The following PMS1 variants were observed in gnomAD, a reference collection of about 807,000 sequenced individuals.
The protein encoded by PMS1 is PMS1 protein homolog 1.
PMS1 carries 79 observed loss-of-function variants against 93.1 expected under a neutral mutation model. The observed-to-expected ratio is 0.85, with a 90% CI of 0.71 to 1.02. The LOEUF (loss-of-function observed/expected upper bound fraction) is 1.02, where lower values mean the gene tolerates loss of function less well. Ranked by LOEUF, PMS1 falls within the 50% of genes least tolerant of loss-of-function variation. The pLI is 0.00. For missense variants in PMS1, 1,064 were observed against 1,085.3 expected (o/e 0.98, Z 0.28); for synonymous variants, 335 against 363.4 (o/e 0.92, Z 0.89).
chr2:189,796,801 C>T (rs1337628981), intron 3 of PMS1, among the ~76,000 whole-genome samples: 7 of 152,120 alleles, frequency 4.6e-5, no homozygotes, highest in Non-Finnish European at 1.0e-4. Flanking sequence ...CTTTCACCCA[C>T]CTTTGGGCTA....
chr2:189,790,463 C>T (rs535820973), intron 1 of PMS1, among the ~76,000 whole-genome samples: 8 of 152,030 alleles, frequency 5.3e-5, no homozygotes, highest in Non-Finnish European at 1.2e-4. Context: ...TGTGAGCTTT[C>T]GGTGATCTAC....
intron 4 of PMS1, among the ~76,000 whole-genome samples, chr2:189,809,322 C>T (rs892571133): frequency 6.6e-6 from 1 of 151,682 alleles, no homozygotes; most frequent in African/African-American, 2.4e-5. Flanking sequence ...CAGTTTAATT[C>T]TGGTGTTTGT....
At chr2:189,787,132 A>G (rs2048421094) in intron 1 of PMS1, among the ~76,000 whole-genome samples, 1 of 152,212 alleles carries the variant, frequency 6.6e-6, no homozygotes, top group South Asian at 2.1e-4. Flanking sequence ...CAGGTCATCT[A>G]AATGATGATA....
At chr2:189,842,733 G>T (rs2053918244) in intron 5 of PMS1, among the ~76,000 whole-genome samples, 1 of 152,126 alleles carries the variant, frequency 6.6e-6, no homozygotes, top group Non-Finnish European at 1.5e-5. Flanking sequence ...AGAGTGAGTT[G>T]ATAGAGTTGT....
chr2:189,796,035 T>A, intron 3 of PMS1, 84 bp downstream of exon 3: 1 of 1,013,302 alleles, frequency 9.9e-7, no homozygotes, highest in Non-Finnish European at 1.6e-6. Context: ...TGGTGAAGTA[T>A]GGTTTTAATT....
intron 3 of PMS1, among the ~76,000 whole-genome samples, chr2:189,797,840 G>T: frequency 6.6e-6 from 1 of 152,142 alleles, no homozygotes; most frequent in Non-Finnish European, 1.5e-5. Context: ...TGAAGTGCTG[G>T]CATAGGATAG....
intron 9 of PMS1, among the ~76,000 whole-genome samples, chr2:189,856,143 T>C (rs1014723159): frequency 6.6e-6 from 1 of 151,024 alleles, no homozygotes; most frequent in Non-Finnish European, 1.5e-5. Context: ...CTCTTCAGCC[T>C]TTTTTGTCAT....
At chr2:189,844,132 C>G (rs763877607) in intron 6 of PMS1, 52 bp downstream of exon 6, 65 of 1,608,190 alleles carry the variant, frequency 4.0e-5, no homozygotes, top group Non-Finnish European at 5.3e-5. Flanking sequence ...TGAAGCTGTT[C>G]ACATATTTCC....
rs1559322332 is a variant in PMS1 at position 189,864,019 on chromosome 2, GAAAC to G, written c.2137_2140del (p.Gln713ThrfsTer5). The G allele has an allele frequency of 6.2e-7, 1 of 1,609,502 alleles. No homozygotes were observed. The highest frequency in any genetic ancestry group is 1.1e-5 in the South Asian group (1 of 90,426). Reference sequence around the variant, plus strand: ...TGAAAAACTTAAAAATAAATTTTAAGAAACAAAACAAAGTTGACTTAGAAGAGAA... The same window carrying G: ...TGAAAAACTTAAAAATAAATTTTAAGAAAACAAAGTTGACTTAGAAGAGAA... On this transcript the variant is annotated frameshift_variant, in exon 10 of 13. Transcript: ENST00000441310. LOFTEE classifies it high-confidence loss of function.
intron 5 of PMS1, among the ~76,000 whole-genome samples, chr2:189,839,017 T>TCC (rs1318999796): frequency 1.3e-5 from 2 of 151,300 alleles, no homozygotes; most frequent in East Asian, 3.9e-4. Context: ...TGAGACAGAG[T>TCC]CTCTCTCTCT....
chr2:189,824,168 T>C (rs555201073), intron 5 of PMS1, among the ~76,000 whole-genome samples: 3 of 152,260 alleles, frequency 2.0e-5, no homozygotes, highest in African/African-American at 7.2e-5. Flanking sequence ...AGCATATGTG[T>C]TTCTACCTTG....
At chr2:189,851,231 A>G (rs12614246) in intron 6 of PMS1, among the ~76,000 whole-genome samples, 2 of 152,186 alleles carry the variant, frequency 1.3e-5, no homozygotes, top group East Asian at 3.9e-4. Flanking sequence ...TAAGTGGCCA[A>G]CCAAGGTGGT....
intron 1 of PMS1, among the ~76,000 whole-genome samples, chr2:189,786,921 C>T (rs761873587): frequency 6.6e-6 from 1 of 151,966 alleles, no homozygotes; most frequent in African/African-American, 2.4e-5. Context: ...GGTGTGGTGG[C>T]GGGCACCTGT....
chr2:189,874,157 C>T (rs530138148), intron 12 of PMS1, among the ~76,000 whole-genome samples: 1 of 149,570 alleles, frequency 6.7e-6, no homozygotes, highest in East Asian at 1.9e-4. Context: ...CTGTGGTAAA[C>T]TCTATCATGG....
At chr2:189,834,473 T>C (rs2053220114) in intron 5 of PMS1, among the ~76,000 whole-genome samples, 1 of 152,164 alleles carries the variant, frequency 6.6e-6, no homozygotes, top group Non-Finnish European at 1.5e-5. Flanking sequence ...CTCATTGCAG[T>C]TGGAGGATGG....
intron 5 of PMS1, among the ~76,000 whole-genome samples, chr2:189,843,440 AT>A (rs2053985061): frequency 6.6e-6 from 1 of 152,256 alleles, no homozygotes; most frequent in Non-Finnish European, 1.5e-5. Flanking sequence ...TACAAAGGTA[AT>A]TTTAAATTAT....
intron 12 of PMS1, among the ~76,000 whole-genome samples, chr2:189,875,395 G>A (rs1025539271): frequency 1.3e-5 from 2 of 151,940 alleles, no homozygotes; most frequent in African/African-American, 4.8e-5. Flanking sequence ...TTGGCCCTCC[G>A]TATATATGGA....
intron 9 of PMS1, among the ~76,000 whole-genome samples, chr2:189,856,470 G>A (rs1177960852): frequency 1.3e-5 from 2 of 151,980 alleles, no homozygotes; most frequent in Non-Finnish European, 2.9e-5. Flanking sequence ...AATACTCAGT[G>A]TTCAAATTTA....
At chr2:189,826,271 C>G (rs1027498017) in intron 5 of PMS1, among the ~76,000 whole-genome samples, 1 of 152,162 alleles carries the variant, frequency 6.6e-6, no homozygotes, top group African/African-American at 2.4e-5. Flanking sequence ...GAGAGAGGTT[C>G]TAATTCAGGA....
Sources: allele counts gnomAD v4.1 joint callset (sites outside exome capture counted in the v4.1 genomes callset), GRCh38; gene constraint gnomAD v4.1.1; transcripts MANE v1.5; gene names NCBI Gene and HGNC (gene_info 2026-07-23, HGNC 2026-07-21).